Variants in MEGF8 observed in about 807,000 individuals in gnomAD.
The protein encoded by MEGF8 is multiple epidermal growth factor-like domains protein 8.
A neutral mutation model predicts 302.9 loss-of-function variants in MEGF8; 156 were observed. The observed-to-expected ratio is 0.52, with a 90% CI of 0.45 to 0.59. The LOEUF (loss-of-function observed/expected upper bound fraction) is 0.59. MEGF8 is among the 20% of genes least tolerant of loss of function. The pLI is 0.00. For missense variants in MEGF8, 3,345 were observed against 3,964.5 expected, an observed-to-expected ratio of 0.84 and a Z score of 4.20; for synonymous variants, 1,621 against 1,660.5, an observed-to-expected ratio of 0.98 and a Z score of 0.58.
At position 42,369,083 on chromosome 19, in the gene MEGF8, C is replaced by G; in HGVS notation, c.6641+81C>G. On this transcript the variant is annotated intron_variant, in intron 37 of 41. Coordinates refer to ENST00000251268, the MANE Select transcript of MEGF8 (RefSeq NM_001271938.2). The surrounding 1 kb of genome is among the most constrained non-coding windows in gnomAD (Gnocchi z 5.7). ...GAGCAGTAATGGATGAGGCCTAGAG[C>G]CAAGCAGGACAGAAGAAAAGAAAGC... 6 of 1,521,934 alleles carry G rather than the reference C, an allele frequency of 3.9e-6. No individual in the cohort carries two copies. The highest frequency in any genetic ancestry group is 4.4e-6 in the Non-Finnish European group (5 of 1,131,062). 94.3% of individuals were successfully genotyped at this position (1,521,934 alleles called of 1,614,324 possible). A position where few individuals can be genotyped will look rare whatever the true frequency, so the allele number is the denominator to read the frequency against.
chr19:42,376,001 G>T lies in MEGF8; in HGVS notation c.7764G>T (p.Val2588=), dbSNP rs1347465905. The part of the protein sequence containing the change: ...VTVTEPSAVL[V]VRGVRDRLVI... ...TGACGGAGCCGTCGGCAGTGCTGGT[G>T]GTCCGCGGCGTGCGGGACCGGCTGG... is the stretch of plus-strand genomic sequence containing the variant. Residue 2588 remains valine, a synonymous_variant, in exon 42 of 42, where the codon GTG becomes GTT. Coordinates refer to ENST00000251268, the MANE Select transcript of MEGF8 (RefSeq NM_001271938.2). This position sits in a 1 kb window ranked among gnomAD's most constrained non-coding sequence, Gnocchi z 8.2. 6.2e-7 allele frequency: 1 copy of T among 1,606,512 alleles called. No individual in the cohort carries two copies. Among genetic ancestry groups the T allele is most frequent in the Non-Finnish European group, 8.5e-7 (1 of 1,178,062 alleles).
At chr19:42,349,737 G>T (rs2039341719) in intron 14 of MEGF8, 38 bp downstream of exon 14, 1 of 1,592,374 alleles carries the variant, frequency 6.3e-7, no homozygotes, top group Non-Finnish European at 8.6e-7. Context: ...CTAGCCGCAG[G>T]CCCCAGCCTC....
rs1568561033 is a variant in MEGF8 at position 42,344,108 on chromosome 19, A to G, written c.1788+35A>G. 1 of 1,607,240 alleles carries G rather than the reference A, an allele frequency of 6.2e-7. No individual in the cohort carries two copies. Among genetic ancestry groups the G allele is most frequent in the Non-Finnish European group, 8.5e-7 (1 of 1,177,506 alleles). ...AGCCCTAGACCCTCTGTTCCCTAGC[A>G]TAGAGACCTGCCCTCAGTGTCTCCC... is the stretch of plus-strand genomic sequence containing the variant. On this transcript the variant is annotated intron_variant, in intron 10 of 41. Coordinates refer to ENST00000251268, the MANE Select transcript of MEGF8 (RefSeq NM_001271938.2). This position sits in a 1 kb window ranked among gnomAD's most constrained non-coding sequence, Gnocchi z 4.5.
rs1568580527 is a variant in MEGF8, at chr19:42,376,179, C to A, written c.7942C>A (p.Leu2648Met). 1 of 1,610,914 alleles carries A rather than the reference C, an allele frequency of 6.2e-7. No individual in the cohort carries two copies. ...FFRQDQAHID[L>M]FVFFSVFFSC... The stretch of plus-strand genomic sequence containing the variant: ...CCGGCAGGACCAGGCCCACATTGAC[C>A]TGTTTGTCTTCTTCTCCGTCTTCTT... Residue 2648 changes from leucine to methionine, a missense_variant, in exon 42 of 42, where the codon CTG becomes ATG. Coordinates refer to ENST00000251268, the MANE Select transcript of MEGF8 (RefSeq NM_001271938.2). The surrounding 1 kb of genome is among the most constrained non-coding windows in gnomAD (Gnocchi z 8.2).
At position 42,358,454 on chromosome 19, in the gene MEGF8, C is replaced by T. The variant is rs937859108; in HGVS notation, c.5175+147C>T. 3.7e-6 allele frequency: 4 copies of T among 1,085,972 alleles called. No homozygotes were observed. In the South Asian group the frequency reaches 6.7e-5, roughly 18 times the overall value. The allele number at this position is 1,085,972 out of a possible 1,614,324, so 67.3% of individuals were successfully genotyped here. A position where few individuals can be genotyped will look rare whatever the true frequency, so the allele number is the denominator to read the frequency against. ...ACTAAGCGACACCCCCACATCTCCC[C>T]CGCTTCCATCCCTGATTTGGAGGAG... On this transcript the variant is annotated intron_variant, in intron 29 of 41. Transcript: ENST00000251268. This position sits in a 1 kb window ranked among gnomAD's most constrained non-coding sequence, Gnocchi z 4.4.
Position 42,344,410 on chromosome 19 carries a change from C to T in MEGF8, c.1789-31C>T. The T allele has an allele frequency of 6.4e-7, 1 of 1,552,456 alleles. No homozygotes were observed. The highest frequency in any genetic ancestry group is 8.7e-7 in the Non-Finnish European group (1 of 1,154,682). ...CCCAGATCTCTTGAGCTCCAGTTGACAGTGAGCCCTTTCCCCTCTCCTCCT... is the reference window on the plus strand; with the variant it reads ...CCCAGATCTCTTGAGCTCCAGTTGATAGTGAGCCCTTTCCCCTCTCCTCCT... On this transcript the variant is annotated intron_variant, in intron 10 of 41. Coordinates refer to ENST00000251268, the MANE Select transcript of MEGF8 (RefSeq NM_001271938.2). The surrounding 1 kb of genome is among the most constrained non-coding windows in gnomAD (Gnocchi z 4.5).
intron 12 of MEGF8, among the ~76,000 whole-genome samples, chr19:42,345,902 T>TTTG (rs1030917281): frequency 3.3e-5 from 5 of 152,168 alleles, no homozygotes; most frequent in African/African-American, 1.2e-4. Context: ...TTATTGATTT[T>TTTG]TTGTTGTTGT....
rs879691550 is a variant in MEGF8 at position 42,360,881 on chromosome 19, C to T, written c.5595C>T (p.Gly1865=). ...ISGGFGGVAL[G]RLLALTLPPD... ...GGGGTTTCGGGGGAGTGGCCCTGGG[C>T]CGCCTGCTGGCACTGACCCTGCCCC... is the stretch of plus-strand genomic sequence containing the variant. Residue 1865 remains glycine, a synonymous_variant, in exon 32 of 42, where the codon GGC becomes GGT. Transcript: ENST00000251268. 6.2e-7 allele frequency: 1 copy of T among 1,613,438 alleles called. No homozygotes were observed. Among genetic ancestry groups the T allele is most frequent in the Non-Finnish European group, 8.5e-7 (1 of 1,179,870 alleles).
Position 42,355,789 on chromosome 19 carries a change from C to T in MEGF8, c.4176C>T (p.Gly1392=), listed in dbSNP as rs771562306. The change falls in exon 24 of 42, where the codon GGC becomes GGT. Residue 1392 remains glycine, a synonymous_variant. Coordinates refer to ENST00000251268, the MANE Select transcript of MEGF8 (RefSeq NM_001271938.2). ...TCGTGCTGCACTGGGAGGCCAATGG[C>T]TCCTCATCCTGGGGCTTCAATGCTT... ...GLLVLHWEAN[G]SSSWGFNASV... The T allele has an allele frequency of 1.3e-6, 2 of 1,581,570 alleles. No homozygotes were observed. Among genetic ancestry groups the T allele is most frequent in the South Asian group, 1.2e-5 (1 of 86,688 alleles).
chr19:42,344,658 C>G lies in MEGF8; in HGVS notation c.1934-12C>G, dbSNP rs2147465024. The G allele has an allele frequency of 1.9e-6, 3 of 1,564,102 alleles. No individual in the cohort carries two copies. The highest frequency in any genetic ancestry group is 2.6e-6 in the Non-Finnish European group (3 of 1,151,352). ...ACACTGACCCACCGGCCCCCACCCC[C>G]TGTCTTCTCAGAGCAGGCCCGCTGC... is the stretch of plus-strand genomic sequence containing the variant. On this transcript the variant is annotated splice_polypyrimidine_tract_variant and intron_variant, in intron 11 of 41. Coordinates refer to ENST00000251268, the MANE Select transcript of MEGF8 (RefSeq NM_001271938.2). The surrounding 1 kb of genome is among the most constrained non-coding windows in gnomAD (Gnocchi z 4.5).
chr19:42,330,393 G>A (rs1461507199), intron 1 of MEGF8, among the ~76,000 whole-genome samples: 2 of 152,188 alleles, frequency 1.3e-5, no homozygotes, highest in Non-Finnish European at 2.9e-5. Context: ...CCTCCAGCAG[G>A]CACTTAACAA....
At position 42,353,243 on chromosome 19, in the gene MEGF8, C is replaced by T; in HGVS notation, c.3550+116C>T. On this transcript the variant is annotated intron_variant, in intron 20 of 41. Coordinates refer to ENST00000251268, the MANE Select transcript of MEGF8 (RefSeq NM_001271938.2). The surrounding 1 kb of genome is among the most constrained non-coding windows in gnomAD (Gnocchi z 6.1). ...GTGTCCTCTCATGCAGCTCTAGGTC[C>T]CCTGCCCCATTCCTGTTCCTGACTC... 9.1e-7 allele frequency: 1 copy of T among 1,096,050 alleles called. No individual in the cohort carries two copies. Among genetic ancestry groups the T allele is most frequent in the South Asian group, 1.6e-5 (1 of 62,208 alleles). 67.9% of individuals were successfully genotyped at this position (1,096,050 alleles called of 1,614,324 possible). A position where few individuals can be genotyped will look rare whatever the true frequency, so the allele number is the denominator to read the frequency against.
At position 42,333,642 on chromosome 19, in the gene MEGF8, T is replaced by C; in HGVS notation, c.225T>C (p.Leu75=). The C allele has an allele frequency of 6.2e-7, 1 of 1,613,958 alleles. No individual in the cohort carries two copies. Among genetic ancestry groups the C allele is most frequent in the Non-Finnish European group, 8.5e-7 (1 of 1,179,874 alleles). ...SPQHRILLDF[L]FLDTECTYDY... ...AGCACCGGATCCTGCTGGACTTCCT[T>C]TTCCTGGACACAGAGTGCACGTATG... The change falls in exon 2 of 42, where the codon CTT becomes CTC. Residue 75 remains leucine, a synonymous_variant. Coordinates refer to ENST00000251268, the MANE Select transcript of MEGF8 (RefSeq NM_001271938.2).
chr19:42,352,900 T>C lies in MEGF8; in HGVS notation c.3351-28T>C. ...TAGGGGCTCTGGGCCTGCCTGGCGC[T>C]TTCCCCACCCCCAACACGGCCCCTC... On this transcript the variant is annotated intron_variant, in intron 19 of 41. Transcript: ENST00000251268. The surrounding 1 kb of genome is among the most constrained non-coding windows in gnomAD (Gnocchi z 4.4). The C allele has an allele frequency of 1.3e-6, 2 of 1,540,910 alleles. No individual in the cohort carries two copies. Among genetic ancestry groups the C allele is most frequent in the Non-Finnish European group, 1.8e-6 (2 of 1,134,502 alleles).
rs2039498052 is a variant in MEGF8, at chr19:42,359,248, T to C, written c.5488+6T>C. ...GCTTCTGCCCGACCTCACCCGTAAG[T>C]CCCCATTGTGGCTCCCAGGAGGCTG... is the stretch of plus-strand genomic sequence containing the variant. On this transcript the variant is annotated splice_donor_region_variant and intron_variant, in intron 31 of 41. Transcript: ENST00000251268. 4.5e-6 allele frequency: 7 copies of C among 1,542,710 alleles called. No individual in the cohort carries two copies. The East Asian group carries it at 1.6e-4, about 36-fold the overall frequency.
chr19:42,356,293 C>T lies in MEGF8; in HGVS notation c.4504-42C>T. On this transcript the variant is annotated intron_variant, in intron 25 of 41. Coordinates refer to ENST00000251268, the MANE Select transcript of MEGF8 (RefSeq NM_001271938.2). The surrounding 1 kb of genome is among the most constrained non-coding windows in gnomAD (Gnocchi z 5.2). ...CCTACACCCAGGCCTGGCACTTTGT[C>T]CTGACCCTAGCCTGATCCCCAATGT... 1 of 1,584,790 alleles carries T rather than the reference C, an allele frequency of 6.3e-7. No homozygotes were observed. The highest frequency in any genetic ancestry group is 8.6e-7 in the Non-Finnish European group (1 of 1,166,188).
At position 42,371,462 on chromosome 19, in the gene MEGF8, C is replaced by T; in HGVS notation, c.7249C>T (p.Arg2417Ter). The T allele has an allele frequency of 3.7e-6, 6 of 1,613,858 alleles. No homozygotes were observed. The highest frequency in any genetic ancestry group is 4.2e-6 in the Non-Finnish European group (5 of 1,179,876). ...CCAGGGCAGCTCCCCCAGTGACCGTCGAGACTGCTACAAGTACCAGGTGCG... is the reference window on the plus strand; with the variant it reads ...CCAGGGCAGCTCCCCCAGTGACCGTTGAGACTGCTACAAGTACCAGGTGCG... The part of the protein sequence containing the change: ...TCQGSSPSDR[R>*]DCYKYQCAKC... The change falls in exon 41 of 42, where the codon CGA (arginine) becomes TGA (stop). Residue 2417 changes from arginine to a stop codon, truncating the protein, a stop_gained. Transcript: ENST00000251268. LOFTEE classifies it high-confidence loss of function.
At chr19:42,346,966 C>CAGAG (rs1463063324) in intron 12 of MEGF8, among the ~76,000 whole-genome samples, 1 of 110,982 alleles carries the variant, frequency 9.0e-6, no homozygotes. Flanking sequence ...GCCTGGGTGA[C>CAGAG]AGAGAGAGAC....
chr19:42,373,255 G>C (rs556129280), intron 41 of MEGF8, among the ~76,000 whole-genome samples: 15 of 150,934 alleles, frequency 9.9e-5, no homozygotes, highest in African/African-American at 3.7e-4. Context: ...ACCACCCCCC[G>C]CTAATTTTTG....
Sources: gnomAD v4.1 joint callset for allele counts (sites outside exome capture counted in the v4.1 genomes callset) on GRCh38, gnomAD v4.1.1 for gene constraint, Gnocchi (gnomAD v3.1) non-coding constraint, MANE v1.5 for transcripts, NCBI Gene and HGNC (gene_info 2026-07-23, HGNC 2026-07-21) for gene names.